GABRG2: variants seen among roughly 807,000 people sequenced by gnomAD.
The protein encoded by GABRG2 is gamma-aminobutyric acid type A receptor subunit gamma2, also known as gamma-aminobutyric acid receptor subunit gamma-2.
A neutral mutation model predicts 56.4 loss-of-function variants in GABRG2; 16 were observed. That is an observed-to-expected ratio of 0.28 (90% CI 0.19 to 0.43). The LOEUF is 0.43. Ranked by LOEUF, GABRG2 falls within the 20% of genes least tolerant of loss-of-function variation. The probability of loss-of-function intolerance (pLI) is 1.00; values close to 1 mark genes in which losing one functional copy is unlikely to be tolerated. For synonymous variants in GABRG2, 208 were observed against 205.5 expected (o/e 1.01, Z -0.10); for missense variants, 327 against 582.7 (o/e 0.56, Z 4.52).
At chr5:162,095,612 G>C in intron 3 of GABRG2, 50 bp downstream of exon 3, 1 of 1,319,856 alleles carries the variant, frequency 7.6e-7, no homozygotes, top group Non-Finnish European at 1.1e-6. Context: ...ATGTTTGAGA[G>C]AAAATGTGAT....
At chr5:162,147,169 C>T (rs117917430) in intron 7 of GABRG2, among the ~76,000 whole-genome samples, 33 of 152,214 alleles carry the variant, frequency 2.2e-4, no homozygotes, top group East Asian at 2.1e-3. Context: ...TTCTCTTGCC[C>T]TCCAAGTCTC....
chr5:162,096,462 C>T (rs911041897), intron 3 of GABRG2, among the ~76,000 whole-genome samples: 1 of 152,076 alleles, frequency 6.6e-6, no homozygotes, highest in African/African-American at 2.4e-5. Flanking sequence ...TTATTCATGG[C>T]TTTTCTTGCC....
chr5:162,153,065 T>C (rs756769488), intron 9 of GABRG2, 28 bp from the exon 10 acceptor site: 2 of 1,613,742 alleles, frequency 1.2e-6, no homozygotes, highest in Admixed American at 3.3e-5. Flanking sequence ...AACTAACTGA[T>C]CCCTCTCCTT....
intron 7 of GABRG2, among the ~76,000 whole-genome samples, chr5:162,148,550 G>A (rs1265685740): frequency 6.6e-6 from 1 of 152,166 alleles, no homozygotes; most frequent in Non-Finnish European, 1.5e-5. Flanking sequence ...CTGTCTGCAT[G>A]TGCCACATTT....
rs1231404518 is a variant in GABRG2 at position 162,154,876 on chromosome 5, G to T, written c.*1508G>T. 1 of 151,992 alleles carries T rather than the reference G, an allele frequency of 6.6e-6. No individual in the cohort carries two copies. The highest frequency in any genetic ancestry group is 1.5e-5 in the Non-Finnish European group (1 of 67,996). The allele number at this position is 151,992 out of a possible 1,614,324, so 9.4% of individuals were successfully genotyped here. ...CATAGAGGTTGAGCCAATGACTGTG[G>T]CCTCATTAGATTACATTGTAGTTAA... On this transcript the variant is annotated 3_prime_UTR_variant, in exon 10 of 10. Transcript: ENST00000639213.
rs1217575254 is a variant in GABRG2, at chr5:162,103,826, G to T, written c.632-63G>T. On this transcript the variant is annotated intron_variant, in intron 5 of 9. Coordinates refer to ENST00000639213, the MANE Select transcript of GABRG2 (RefSeq NM_198904.4). The stretch of plus-strand genomic sequence containing the variant: ...TTACCTCAGTGTCATGTTCATAGAA[G>T]ATGGTTGCTACATATGCTAATTTAT... 7 of 1,569,118 alleles carry T rather than the reference G, an allele frequency of 4.5e-6. No homozygotes were observed. In the East Asian group the frequency reaches 6.7e-5, roughly 15 times the overall value.
At chr5:162,088,593 C>T (rs1054011533) in intron 1 of GABRG2, among the ~76,000 whole-genome samples, 3 of 152,082 alleles carry the variant, frequency 2.0e-5, no homozygotes, top group African/African-American at 7.2e-5. Flanking sequence ...TGGACTCAGG[C>T]ATAAATTAAT....
intron 6 of GABRG2, among the ~76,000 whole-genome samples, chr5:162,126,795 C>T (rs1255815519): frequency 6.6e-6 from 1 of 151,926 alleles, no homozygotes; most frequent in Non-Finnish European, 1.5e-5. Context: ...ACGTTCTTCA[C>T]TTGAAAACTC....
intron 6 of GABRG2, among the ~76,000 whole-genome samples, chr5:162,141,031 TTTTG>T (rs937927498): frequency 3.9e-5 from 6 of 152,144 alleles, no homozygotes; most frequent in African/African-American, 7.2e-5. Flanking sequence ...TGCTTCTTTT[TTTTG>T]TTTGTTTCTT....
At chr5:162,134,536 A>G (rs934248768) in intron 6 of GABRG2, among the ~76,000 whole-genome samples, 19 of 152,204 alleles carry the variant, frequency 1.2e-4, no homozygotes, top group African/African-American at 4.6e-4. Context: ...TTTACAGATA[A>G]AGAAGTTGAG....
chr5:162,129,096 T>G (rs900526609), intron 6 of GABRG2: 3 of 151,978 alleles, frequency 2.0e-5, no homozygotes, highest in African/African-American at 7.2e-5. Context: ...CAGGAAGCCT[T>G]TTCGAATTTT....
chr5:162,112,201 G>A (rs990337263), intron 6 of GABRG2, among the ~76,000 whole-genome samples: 1 of 151,864 alleles, frequency 6.6e-6, no homozygotes, highest in Non-Finnish European at 1.5e-5. Context: ...TACTATTTAC[G>A]ATAAATTTTA....
intron 3 of GABRG2, among the ~76,000 whole-genome samples, chr5:162,096,368 A>G (rs1760995609): frequency 6.6e-6 from 1 of 152,134 alleles, no homozygotes; most frequent in Admixed American, 6.6e-5. Flanking sequence ...TAAATGCAGA[A>G]CTTTCTTGTT....
chr5:162,096,382 G>A (rs1361608723), intron 3 of GABRG2, among the ~76,000 whole-genome samples: 1 of 152,056 alleles, frequency 6.6e-6, no homozygotes, highest in Admixed American at 6.6e-5. Flanking sequence ...TCTTGTTTTA[G>A]GAATAACAGT....
At chr5:162,090,566 A>G (rs755332802) in intron 1 of GABRG2, among the ~76,000 whole-genome samples, 5 of 152,156 alleles carry the variant, frequency 3.3e-5, no homozygotes, top group Non-Finnish European at 7.4e-5. Flanking sequence ...TTTTCTAACC[A>G]TGAATATTTA....
intron 5 of GABRG2, chr5:162,102,782 C>G: frequency 2.9e-6 from 1 of 339,928 alleles, no homozygotes; most frequent in Non-Finnish European, 5.9e-6. Flanking sequence ...TCATCACATA[C>G]TATCATATCT....
At chr5:162,076,042 C>T (rs892942552) in intron 1 of GABRG2, among the ~76,000 whole-genome samples, 1 of 151,914 alleles carries the variant, frequency 6.6e-6, no homozygotes, top group Non-Finnish European at 1.5e-5. Flanking sequence ...GTCCTAGCTT[C>T]TTGGGAGGCT....
intron 6 of GABRG2, among the ~76,000 whole-genome samples, chr5:162,131,385 T>C (rs950551500): frequency 3.3e-5 from 5 of 152,042 alleles, no homozygotes; most frequent in African/African-American, 1.2e-4. Context: ...TGTTCCTGAT[T>C]GAAGAAGTCA....
rs962975735 is a variant in GABRG2 at position 162,153,283 on chromosome 5, A to G, written c.1343A>G (p.Lys448Arg). ...RHGRIHIRIA[K>R]MDSYARIFFP... ...GGGAGGATACATATCCGCATTGCCA[A>G]AATGGACTCCTATGCTCGGATCTTC... Residue 448 changes from lysine to arginine, a missense_variant, in exon 10 of 10, where the codon AAA becomes AGA. Coordinates refer to ENST00000639213, the MANE Select transcript of GABRG2 (RefSeq NM_198904.4). 1 of 1,614,020 alleles carries G rather than the reference A, an allele frequency of 6.2e-7. No homozygotes were observed. Among genetic ancestry groups the G allele is most frequent in the Middle Eastern group, 1.6e-4 (1 of 6,062 alleles).
Sources: gnomAD v4.1 joint callset for allele counts (sites outside exome capture counted in the v4.1 genomes callset) on GRCh38, gnomAD v4.1.1 for gene constraint, MANE v1.5 for transcripts, NCBI Gene and HGNC (gene_info 2026-07-23, HGNC 2026-07-21) for gene names.